The following NOSIP variants were observed in gnomAD, a reference collection of about 807,000 sequenced individuals.
NOSIP encodes nitric oxide synthase interacting protein.
A neutral mutation model predicts 36.4 loss-of-function variants in NOSIP; 25 were observed. The ratio of observed to expected loss-of-function variants is 0.69; its 90% CI spans 0.50 to 0.96. The LOEUF is 0.96. NOSIP is among the 40% of genes least tolerant of loss of function. NOSIP has a pLI of 0.00. For synonymous variants in NOSIP, 187 were observed against 179.2 expected, an observed-to-expected ratio of 1.04 and a Z score of -0.35; for missense variants, 370 against 429.0, an observed-to-expected ratio of 0.86 and a Z score of 1.21.
intron 1 of NOSIP, among the ~76,000 whole-genome samples, chr19:49,570,051 G>C (rs1281317886): frequency 6.6e-6 from 1 of 152,170 alleles, no homozygotes; most frequent in Non-Finnish European, 1.5e-5. Context: ...GGAGGTTGCA[G>C]TGAGCCGAGA....
Position 49,560,726 on chromosome 19 carries a change from T to C in NOSIP, c.-1-34A>G, listed in dbSNP as rs769441938. 3.9e-6 allele frequency: 6 copies of C among 1,526,014 alleles called. No homozygotes were observed. In the Admixed American group the frequency reaches 5.7e-5, roughly 14 times the overall value. The allele number at this position is 1,526,014 out of a possible 1,614,324, so 94.5% of individuals were successfully genotyped here. A position where few individuals can be genotyped will look rare whatever the true frequency, so the allele number is the denominator to read the frequency against. On this transcript the variant is annotated intron_variant, in intron 1 of 8. Transcript: ENST00000596358. The surrounding 1 kb of genome is among the most constrained non-coding windows in gnomAD (Gnocchi z 4.6). ...GAAGGGACAGTGGCAGGACTGTGGT[T>C]ACCGGAGGCAGGCAGCACAGGGAAG...
intron 5 of NOSIP, 36 bp downstream of exon 5, chr19:49,557,054 C>A (rs953905582): frequency 6.3e-7 from 1 of 1,591,674 alleles, no homozygotes; most frequent in Admixed American, 1.8e-5. Context: ...CGCGGCGCCC[C>A]GCCCCCCAAC....
chr19:49,577,628 G>A (rs551739793), intron 1 of NOSIP, among the ~76,000 whole-genome samples: 2 of 151,732 alleles, frequency 1.3e-5, no homozygotes, highest in African/African-American at 2.4e-5. Context: ...GCTGGGCGCC[G>A]ATGGCTCACA....
At chr19:49,572,997 CGGCTCTGAAGCAGACCCT>C (rs2080506626) in intron 1 of NOSIP, among the ~76,000 whole-genome samples, 1 of 151,088 alleles carries the variant, frequency 6.6e-6, no homozygotes, top group South Asian at 2.1e-4. Context: ...AAAAAAAGCC[CGGCTCTGAAGCAGACCCT>C]GGCTCTAAGC....
chr19:49,578,937 TA>T (rs572426945), intron 1 of NOSIP, among the ~76,000 whole-genome samples: 135 of 144,578 alleles, frequency 9.3e-4, no homozygotes, highest in Admixed American at 4.2e-3. Flanking sequence ...TTTAAATACT[TA>T]AAAAAAAAAA....
intron 1 of NOSIP, among the ~76,000 whole-genome samples, chr19:49,567,224 G>A (rs1282447437): frequency 1.4e-5 from 2 of 145,666 alleles, no homozygotes; most frequent in African/African-American, 5.1e-5. Flanking sequence ...CCGGGTTCAC[G>A]CCATTCTCCT....
At chr19:49,556,254 G>C in intron 8 of NOSIP, 63 bp downstream of exon 8, 1 of 964,976 alleles carries the variant, frequency 1.0e-6, no homozygotes, top group Non-Finnish European at 1.5e-6. Flanking sequence ...AAGCCTTGGA[G>C]GGGGTGAAGG....
chr19:49,571,609 G>C (rs1029559699), intron 1 of NOSIP, among the ~76,000 whole-genome samples: 28 of 152,162 alleles, frequency 1.8e-4, no homozygotes, highest in Non-Finnish European at 3.8e-4. Context: ...CTGGGACTCA[G>C]ACCCAGGCAG....
rs528236761 is a variant in NOSIP at position 49,574,640 on chromosome 19, A to C, written c.-2+5875T>G. 5.5e-3 allele frequency among the ~76,000 whole-genome samples: 833 copies of C among 152,234 alleles called. 11 individuals are homozygous for C. Among genetic ancestry groups the C allele is most frequent in the African/African-American group, 0.019 (794 of 41,532 alleles). ...GGAAGTCTAAGTTCAGGCTACCAGCATTGTGGGGTTCTGGTGACACCCTCT... is the reference window on the plus strand; with the variant it reads ...GGAAGTCTAAGTTCAGGCTACCAGCCTTGTGGGGTTCTGGTGACACCCTCT... On this transcript the variant is annotated intron_variant, in intron 1 of 8. Coordinates refer to ENST00000596358, the MANE Select transcript of NOSIP (RefSeq NM_001270960.2).
chr19:49,573,884 G>T (rs2080518627), intron 1 of NOSIP, among the ~76,000 whole-genome samples: 1 of 147,044 alleles, frequency 6.8e-6, no homozygotes, highest in African/African-American at 2.5e-5. Flanking sequence ...TTTGGAGACG[G>T]AGTCTCACTC....
At chr19:49,559,242 A>T in intron 3 of NOSIP, 1 of 442,130 alleles carries the variant, frequency 2.3e-6, no homozygotes, top group Non-Finnish European at 4.1e-6. Context: ...GTCCTCTCCC[A>T]ATAGAGCTGC....
intron 3 of NOSIP, 148 bp downstream of exon 3, chr19:49,559,786 C>T: frequency 8.9e-6 from 6 of 676,558 alleles, no homozygotes; most frequent in Non-Finnish European, 1.6e-5. Context: ...ATGCCCATGT[C>T]CCATGTGAGA....
chr19:49,565,431 T>G (rs182524965), intron 1 of NOSIP, among the ~76,000 whole-genome samples: 7 of 152,148 alleles, frequency 4.6e-5, no homozygotes, highest in Non-Finnish European at 8.8e-5. Flanking sequence ...CAGTTATGCT[T>G]TCTGTACTTC....
chr19:49,564,422 C>G (rs1195185307), intron 1 of NOSIP, among the ~76,000 whole-genome samples: 1 of 135,150 alleles, frequency 7.4e-6, no homozygotes, highest in Non-Finnish European at 1.5e-5. Flanking sequence ...CCACGGCACT[C>G]TAGCCTAGGG....
chr19:49,555,875 T>TG (rs2080230709), intron 8 of NOSIP, 53 bp from the exon 9 acceptor site: 1 of 1,360,104 alleles, frequency 7.4e-7, no homozygotes, highest in Non-Finnish European at 1.0e-6. Flanking sequence ...GGGTGACCAG[T>TG]GGGGCTCCAG....
At position 49,573,412 on chromosome 19, in the gene NOSIP, C is replaced by T. The variant is rs190905080; in HGVS notation, c.-2+7103G>A. ...ACCGTGCCCTGAGCTACCTCCGTTA[C>T]AGCCCGTCCCTCGGTATTTCGGCTC... On this transcript the variant is annotated intron_variant, in intron 1 of 8. Transcript: ENST00000596358. Among the ~76,000 whole-genome samples, 10 of 152,304 alleles carry T rather than the reference C, an allele frequency of 6.6e-5. No homozygotes were observed. In the East Asian group the frequency reaches 1.9e-3, roughly 29 times the overall value.
chr19:49,572,907 A>G (rs1255421101), intron 1 of NOSIP, among the ~76,000 whole-genome samples: 1 of 132,382 alleles, frequency 7.6e-6, no homozygotes, highest in African/African-American at 2.9e-5. Context: ...CTGGGGGCAG[A>G]GGTTGCAGTG....
intron 1 of NOSIP, among the ~76,000 whole-genome samples, chr19:49,568,116 C>T (rs1013739958): frequency 6.6e-6 from 1 of 152,148 alleles, no homozygotes; most frequent in Non-Finnish European, 1.5e-5. Context: ...TCCTCGTAAA[C>T]TTTGTCGGTG....
chr19:49,564,617 A>G (rs1347013243), intron 1 of NOSIP, among the ~76,000 whole-genome samples: 3 of 152,092 alleles, frequency 2.0e-5, no homozygotes, highest in Non-Finnish European at 4.4e-5. Context: ...ACCACTTTGG[A>G]AAGCAACTGT....
Sources: allele counts gnomAD v4.1 joint callset (sites outside exome capture counted in the v4.1 genomes callset), GRCh38; gene constraint gnomAD v4.1.1; non-coding constraint Gnocchi (gnomAD v3.1); transcripts MANE v1.5; gene names NCBI Gene and HGNC (gene_info 2026-07-23, HGNC 2026-07-21).